The following TENM4 variants were observed in gnomAD, a reference collection of about 807,000 sequenced individuals.
The protein encoded by TENM4 is teneurin transmembrane protein 4, also known as teneurin-4.
A neutral mutation model predicts 243.3 loss-of-function variants in TENM4; 82 were observed. The observed-to-expected ratio is 0.34, with a 90% CI of 0.28 to 0.40. The LOEUF (loss-of-function observed/expected upper bound fraction) is 0.40. Ranked by LOEUF, TENM4 falls within the 10% of genes least tolerant of loss-of-function variation. The pLI, the probability that TENM4 is intolerant of heterozygous loss-of-function variation, is 1.00. For synonymous variants in TENM4, 1,412 were observed against 1,456.3 expected (o/e 0.97, Z 0.69); for missense variants, 3,138 against 3,673.3 (o/e 0.85, Z 3.77).
intron 26 of TENM4, among the ~76,000 whole-genome samples, chr11:78,708,757 C>T (rs926252188): frequency 1.3e-5 from 2 of 152,102 alleles, no homozygotes; most frequent in African/African-American, 4.8e-5. Context: ...ACCTTGCTGC[C>T]TCCTGAGATT....
At chr11:79,053,253 A>G (rs79852480) in intron 6 of TENM4, among the ~76,000 whole-genome samples, 56 of 152,316 alleles carry the variant, frequency 3.7e-4, no homozygotes, top group Non-Finnish European at 4.0e-4. Flanking sequence ...TGCATTATGA[A>G]TGTGGGTTCC....
chr11:79,133,345 T>G (rs1055713671), intron 4 of TENM4, among the ~76,000 whole-genome samples: 3 of 152,058 alleles, frequency 2.0e-5, no homozygotes, highest in African/African-American at 7.2e-5. Context: ...GTAGCGAAAC[T>G]GCAATGATAA....
chr11:79,235,658 C>T (rs1013156698), intron 2 of TENM4, among the ~76,000 whole-genome samples: 3 of 152,136 alleles, frequency 2.0e-5, no homozygotes, highest in African/African-American at 4.8e-5. Context: ...TGTCAGCCTC[C>T]ACATAGCTAT....
chr11:78,912,493 G>A (rs182032467), intron 6 of TENM4, among the ~76,000 whole-genome samples: 3 of 152,314 alleles, frequency 2.0e-5, no homozygotes, highest in Admixed American at 2.0e-4. Flanking sequence ...CTGACCTTGT[G>A]ATTTGGCCCG....
rs1211757800 is a variant in TENM4 at position 79,139,728 on chromosome 11, AT to A, written c.-66+8981del. Among the ~76,000 whole-genome samples the A allele has an allele frequency of 3.3e-4, 28 of 85,634 alleles. 3 individuals carry two copies. The highest frequency in any genetic ancestry group is 5.4e-4 in the Admixed American group (3 of 5,546). The allele number at this position is 85,634 out of a possible 152,430, so 56.2% of individuals were successfully genotyped here. A position where few individuals can be genotyped will look rare whatever the true frequency, so the allele number is the denominator to read the frequency against. On this transcript the variant is annotated intron_variant, in intron 4 of 33. Transcript: ENST00000278550. ...ATTTATATAAGTATATAAAATATAT[AT>A]TATATTTATATAAATATATAATATA...
In TENM4 at chr11:78,786,954, C is replaced by T. The variant is rs771465298; in HGVS notation, c.2309G>A (p.Cys770Tyr). 1 of 1,602,906 alleles carries T rather than the reference C, an allele frequency of 6.2e-7. No homozygotes were observed. Among genetic ancestry groups the T allele is most frequent in the African/African-American group, 1.3e-5 (1 of 74,842 alleles). The change falls in exon 16 of 34, where the codon TGC becomes TAC. Residue 770 changes from cysteine (C) to tyrosine (Y), a missense_variant. Coordinates refer to ENST00000278550, the MANE Select transcript of TENM4 (RefSeq NM_001098816.3). Reference sequence around the variant, plus strand: ...GCTGCACTCGCACTTGCCGTCGCGGCAGGTCCCATGCTCGGCACAGCGCGG... The same window carrying T: ...GCTGCACTCGCACTTGCCGTCGCGGTAGGTCCCATGCTCGGCACAGCGCGG... ...CHPRCAEHGTCRDGKCECSPG... is the reference protein window; with the variant it reads ...CHPRCAEHGTYRDGKCECSPG...
At chr11:78,858,438 G>T (rs1254605326) in intron 10 of TENM4, among the ~76,000 whole-genome samples, 7 of 152,120 alleles carry the variant, frequency 4.6e-5, no homozygotes, top group African/African-American at 1.7e-4. Context: ...GGTCACCAGT[G>T]GTCTCCAAAT....
intron 1 of TENM4, among the ~76,000 whole-genome samples, chr11:79,405,116 T>G (rs1858540485): frequency 6.6e-6 from 1 of 152,174 alleles, no homozygotes; most frequent in African/African-American, 2.4e-5. Flanking sequence ...GTTTAGTAAA[T>G]TGTTATGCCT....
chr11:79,314,226 C>T (rs2135417882), intron 1 of TENM4, among the ~76,000 whole-genome samples: 1 of 152,288 alleles, frequency 6.6e-6, no homozygotes. Context: ...GTGGTGTCAC[C>T]ATGAAACTCA....
chr11:79,064,339 C>A (rs1860182274), intron 6 of TENM4, among the ~76,000 whole-genome samples: 2 of 152,146 alleles, frequency 1.3e-5, no homozygotes, highest in Non-Finnish European at 2.9e-5. Flanking sequence ...AGAGGTTGCC[C>A]AGGACAGCTG....
At chr11:78,863,788 T>C (rs1226737338) in intron 9 of TENM4, among the ~76,000 whole-genome samples, 2 of 152,216 alleles carry the variant, frequency 1.3e-5, no homozygotes, top group African/African-American at 4.8e-5. Flanking sequence ...GCTAGCAACA[T>C]TAAAATACAC....
intron 3 of TENM4, among the ~76,000 whole-genome samples, chr11:79,208,601 T>G (rs927641728): frequency 6.6e-6 from 1 of 152,220 alleles, no homozygotes; most frequent in South Asian, 2.1e-4. Flanking sequence ...CAGACTCCCT[T>G]ACTTCCTAGC....
At chr11:79,152,685 T>A (rs1247994296) in intron 3 of TENM4, among the ~76,000 whole-genome samples, 3 of 152,206 alleles carry the variant, frequency 2.0e-5, no homozygotes, top group Non-Finnish European at 4.4e-5. Context: ...AATGCCACAG[T>A]GTTTGTGCTG....
intron 1 of TENM4, among the ~76,000 whole-genome samples, chr11:79,410,734 G>C (rs1052586115): frequency 6.6e-6 from 1 of 152,202 alleles, no homozygotes; most frequent in Non-Finnish European, 1.5e-5. Flanking sequence ...TGCCTGATGG[G>C]TTTACAGTGA....
intron 32 of TENM4, among the ~76,000 whole-genome samples, chr11:78,664,188 AC>A (rs1858096055): frequency 6.6e-6 from 1 of 152,220 alleles, no homozygotes; most frequent in Non-Finnish European, 1.5e-5. Flanking sequence ...GGAGAAGAAT[AC>A]AAAGTGTTAC....
chr11:78,908,302 C>T (rs1188815371), intron 6 of TENM4, among the ~76,000 whole-genome samples: 5 of 152,174 alleles, frequency 3.3e-5, no homozygotes, highest in Non-Finnish European at 4.4e-5. Flanking sequence ...ATGGAAATAA[C>T]GCCCACCTTA....
At position 79,437,584 on chromosome 11, in the gene TENM4, C is replaced by A. The variant is rs556897445; in HGVS notation, c.-321+2925G>T. ...CCGAGGAGCCCAAAGTTGGCGGCGT[C>A]CCGCGGACTCCGGCGGAGAGCGCGA... On this transcript the variant is annotated intron_variant, in intron 1 of 33. Coordinates refer to ENST00000278550, the MANE Select transcript of TENM4 (RefSeq NM_001098816.3). Among the ~76,000 whole-genome samples, 226 of 152,354 alleles carry A rather than the reference C, an allele frequency of 1.5e-3. 2 individuals are homozygous for A. Among genetic ancestry groups the A allele is most frequent in the Non-Finnish European group, 2.7e-3 (182 of 68,026 alleles).
intron 29 of TENM4, among the ~76,000 whole-genome samples, chr11:78,677,960 T>C (rs1858525795): frequency 9.0e-6 from 1 of 111,300 alleles, no homozygotes; most frequent in African/African-American, 3.5e-5. Context: ...AGTGTGATAT[T>C]CCCCTTCCTG....
At chr11:78,955,778 TAG>T (rs1396765772) in intron 6 of TENM4, among the ~76,000 whole-genome samples, 3 of 152,156 alleles carry the variant, frequency 2.0e-5, no homozygotes, top group Admixed American at 6.5e-5. Flanking sequence ...GCAATTAAAT[TAG>T]AGTCACCAGA....
Sources: allele counts gnomAD v4.1 joint callset (sites outside exome capture counted in the v4.1 genomes callset), GRCh38; gene constraint gnomAD v4.1.1; transcripts MANE v1.5; gene names NCBI Gene and HGNC (gene_info 2026-07-23, HGNC 2026-07-21).